NXPH2: variants seen among roughly 807,000 people sequenced by gnomAD.
NXPH2 encodes the protein neurexophilin-2.
NXPH2 carries 5 observed loss-of-function variants against 19.8 expected under a neutral mutation model. That is an observed-to-expected ratio of 0.25 (90% CI 0.13 to 0.53). The LOEUF is 0.53. NXPH2 is among the 20% of genes least tolerant of loss of function. The pLI is 0.96. For missense variants in NXPH2, 289 were observed against 322.8 expected, an observed-to-expected ratio of 0.90 and a Z score of 0.80; for synonymous variants, 154 against 127.4, an observed-to-expected ratio of 1.21 and a Z score of -1.41.
At chr2:138,735,687 C>T (rs1468950757) in intron 1 of NXPH2, among the ~76,000 whole-genome samples, 1 of 152,150 alleles carries the variant, frequency 6.6e-6, no homozygotes, top group East Asian at 1.9e-4. Flanking sequence ...CCCAAAAGTC[C>T]CCCAAAGTCT....
At chr2:138,704,823 ATT>A (rs70982013) in intron 1 of NXPH2, among the ~76,000 whole-genome samples, 69,683 of 139,328 alleles carry the variant, frequency 0.5, 18,892 homozygotes, top group East Asian at 0.7. Context: ...CGCCCAGCTA[ATT>A]TTTTTTTTTT....
chr2:138,711,404 G>C (rs1480476606), intron 1 of NXPH2, among the ~76,000 whole-genome samples: 2 of 151,878 alleles, frequency 1.3e-5, no homozygotes, highest in Non-Finnish European at 2.9e-5. Flanking sequence ...GCCTCCCAAA[G>C]TGCTGGGATT....
chr2:138,754,506 T>G (rs1249727297), intron 1 of NXPH2, among the ~76,000 whole-genome samples: 1 of 152,222 alleles, frequency 6.6e-6, no homozygotes, highest in African/African-American at 2.4e-5. Context: ...TACATTTTCA[T>G]GGTTTGGTAG....
At chr2:138,677,739 T>C (rs893752863) in intron 1 of NXPH2, among the ~76,000 whole-genome samples, 4 of 152,220 alleles carry the variant, frequency 2.6e-5, no homozygotes, top group African/African-American at 7.2e-5. Context: ...ATTTATAAAC[T>C]AAAAAGCATC....
At chr2:138,677,950 A>T (rs1156649528) in intron 1 of NXPH2, among the ~76,000 whole-genome samples, 1 of 152,196 alleles carries the variant, frequency 6.6e-6, no homozygotes, top group Non-Finnish European at 1.5e-5. Context: ...TGCCACAACT[A>T]TTAAACCAAT....
chr2:138,691,035 C>G (rs1411200774), intron 1 of NXPH2, among the ~76,000 whole-genome samples: 1 of 152,078 alleles, frequency 6.6e-6, no homozygotes, highest in East Asian at 1.9e-4. Flanking sequence ...GGCAGAGAGG[C>G]AGTATGTGAG....
chr2:138,678,734 C>G (rs1183948287), intron 1 of NXPH2, among the ~76,000 whole-genome samples: 1 of 152,124 alleles, frequency 6.6e-6, no homozygotes, highest in Non-Finnish European at 1.5e-5. Flanking sequence ...TAAAAAAGAG[C>G]TTATTCTATG....
chr2:138,773,683 A>T (rs748559778), intron 1 of NXPH2, among the ~76,000 whole-genome samples: 4 of 152,214 alleles, frequency 2.6e-5, no homozygotes, highest in Non-Finnish European at 4.4e-5. Flanking sequence ...AAAAATTATC[A>T]TTATATATGA....
At position 138,706,867 on chromosome 2, in the gene NXPH2, C is replaced by T. The variant is rs144845150; in HGVS notation, c.52-35202G>A. Among the ~76,000 whole-genome samples, 796 of 151,650 alleles carry T rather than the reference C, an allele frequency of 5.2e-3. 7 individuals are homozygous for T. Among genetic ancestry groups the T allele is most frequent in the African/African-American group, 0.018 (744 of 41,344 alleles). ...ATAGTGAGCTATGATTGCACCATTG[C>T]ATTCCAGCCTGGGTAACACCGTGAG... is the stretch of plus-strand genomic sequence containing the variant. On this transcript the variant is annotated intron_variant, in intron 1 of 1. Coordinates refer to ENST00000272641, the MANE Select transcript of NXPH2 (RefSeq NM_007226.3).
intron 1 of NXPH2, 137 bp downstream of exon 1, chr2:138,780,054 A>G: frequency 1.2e-6 from 1 of 823,434 alleles, no homozygotes. Context: ...AGGCAACCCA[A>G]AACTCCTTGC....
chr2:138,765,397 A>C (rs1388615803), intron 1 of NXPH2, among the ~76,000 whole-genome samples: 1 of 152,240 alleles, frequency 6.6e-6, no homozygotes, highest in East Asian at 1.9e-4. Context: ...AAATTTTAAC[A>C]CCACCAGGGA....
At chr2:138,699,109 A>C (rs2104980787) in intron 1 of NXPH2, among the ~76,000 whole-genome samples, 1 of 152,342 alleles carries the variant, frequency 6.6e-6, no homozygotes, top group South Asian at 2.1e-4. Flanking sequence ...ATAAACATAT[A>C]TATACACATA....
At chr2:138,707,875 A>G (rs1223155330) in intron 1 of NXPH2, among the ~76,000 whole-genome samples, 2 of 152,030 alleles carry the variant, frequency 1.3e-5, no homozygotes, top group Non-Finnish European at 2.9e-5. Context: ...TCTCTCTCTA[A>G]GCCTCATGTC....
At chr2:138,689,444 CT>C (rs1450048069) in intron 1 of NXPH2, among the ~76,000 whole-genome samples, 2 of 152,192 alleles carry the variant, frequency 1.3e-5, no homozygotes, top group African/African-American at 2.4e-5. Flanking sequence ...AGAAAGACTA[CT>C]GGGAGGAGTG....
chr2:138,717,430 A>G (rs1681210969), intron 1 of NXPH2, among the ~76,000 whole-genome samples: 1 of 151,512 alleles, frequency 6.6e-6, no homozygotes, highest in Admixed American at 6.6e-5. Flanking sequence ...AAAATCCATG[A>G]TCAAAGTGCC....
intron 1 of NXPH2, among the ~76,000 whole-genome samples, chr2:138,689,730 GA>G (rs572635546): frequency 6.6e-6 from 1 of 152,190 alleles, no homozygotes; most frequent in Non-Finnish European, 1.5e-5. Context: ...ATATCTAGCG[GA>G]ATAGCCCCAG....
At chr2:138,741,041 T>C (rs945262454) in intron 1 of NXPH2, among the ~76,000 whole-genome samples, 22 of 152,232 alleles carry the variant, frequency 1.4e-4, no homozygotes, top group East Asian at 1.9e-4. Flanking sequence ...CCTCCACATT[T>C]TCCTGGCAAG....
chr2:138,718,780 A>C (rs1045760201), intron 1 of NXPH2, among the ~76,000 whole-genome samples: 15 of 152,334 alleles, frequency 9.8e-5, no homozygotes, highest in African/African-American at 3.6e-4. Context: ...TAAAAGCATA[A>C]TCCCATTAAT....
chr2:138,743,727 G>A (rs1681679263), intron 1 of NXPH2, among the ~76,000 whole-genome samples: 1 of 152,142 alleles, frequency 6.6e-6, no homozygotes, highest in African/African-American at 2.4e-5. Context: ...AAGTAGCCAG[G>A]CGTGGTGGCT....
Sources: gnomAD v4.1 joint callset for allele counts (sites outside exome capture counted in the v4.1 genomes callset) on GRCh38, gnomAD v4.1.1 for gene constraint, MANE v1.5 for transcripts, NCBI Gene and HGNC (gene_info 2026-07-23, HGNC 2026-07-21) for gene names.